ADCK2: variants seen among roughly 807,000 people sequenced by gnomAD.
The protein encoded by ADCK2 is uncharacterized aarF domain-containing protein kinase 2.
ADCK2 carries 37 observed loss-of-function variants against 52.3 expected under a neutral mutation model. That is an observed-to-expected ratio of 0.71 (90% CI 0.54 to 0.93). The LOEUF (loss-of-function observed/expected upper bound fraction) is 0.93. Among genes scored for constraint, ADCK2 ranks in the 40% least tolerant of loss-of-function variants. The probability of loss-of-function intolerance (pLI) is 0.00; values close to 1 mark genes in which losing one functional copy is unlikely to be tolerated. For synonymous variants in ADCK2, 321 were observed against 349.2 expected (o/e 0.92, Z 0.90); for missense variants, 695 against 798.7 (o/e 0.87, Z 1.56).
chr7:140,694,010 GTGTGT>G (rs1794752844), intron 7 of ADCK2, among the ~76,000 whole-genome samples: 1 of 152,178 alleles, frequency 6.6e-6, no homozygotes, highest in Non-Finnish European at 1.5e-5. Context: ...CGCCCGGCCT[GTGTGT>G]TGTCTCTTAA....
rs1396881180 is a variant in ADCK2 at position 140,695,007 on chromosome 7, G to C, written c.*204G>C. ...CCAATTAGGGAGTAAAAGGAGGGAAGGGGCCTATCCATTCCATTGTGGAAG... is the reference window on the plus strand; with the variant it reads ...CCAATTAGGGAGTAAAAGGAGGGAACGGGCCTATCCATTCCATTGTGGAAG... On this transcript the variant is annotated 3_prime_UTR_variant, in exon 8 of 8. Coordinates refer to ENST00000072869, the MANE Select transcript of ADCK2 (RefSeq NM_052853.4). The C allele has an allele frequency of 1.5e-6, 2 of 1,337,026 alleles. No individual in the cohort carries two copies. Among genetic ancestry groups the C allele is most frequent in the Non-Finnish European group, 1.9e-6 (2 of 1,046,632 alleles). 82.8% of individuals were successfully genotyped at this position (1,337,026 alleles called of 1,614,324 possible).
chr7:140,686,009 A>G (rs572647942), intron 4 of ADCK2, among the ~76,000 whole-genome samples: 1 of 152,296 alleles, frequency 6.6e-6, no homozygotes, highest in East Asian at 1.9e-4. Context: ...CCTCCACAGA[A>G]GGGCTCTGTG....
chr7:140,685,762 G>A (rs907101235), intron 4 of ADCK2, among the ~76,000 whole-genome samples: 7 of 152,132 alleles, frequency 4.6e-5, no homozygotes, highest in Admixed American at 6.5e-5. Context: ...CTGAGAGCCC[G>A]TCCACCAGCA....
At chr7:140,690,988 C>T (rs932321035) in intron 7 of ADCK2, among the ~76,000 whole-genome samples, 175 bp downstream of exon 7, 3 of 151,900 alleles carry the variant, frequency 2.0e-5, no homozygotes, top group Admixed American at 6.6e-5. Flanking sequence ...TGCAGTGGCG[C>T]GATCTCGGCT....
intron 4 of ADCK2, among the ~76,000 whole-genome samples, chr7:140,685,649 C>T (rs1480962627): frequency 6.6e-6 from 1 of 152,068 alleles, no homozygotes; most frequent in African/African-American, 2.4e-5. Context: ...CTAGGACAGT[C>T]CCTTCATGGT....
Position 140,673,638 on chromosome 7 carries a change from C to T in ADCK2, c.308C>T (p.Ala103Val), listed in dbSNP as rs201013665. The change falls in exon 1 of 8, where the codon GCC becomes GTC. Residue 103 changes from alanine (A) to valine (V), a missense_variant. Physicochemically the swap from Ala to Val is moderately conservative, Grantham distance 64. Coordinates refer to ENST00000072869, the MANE Select transcript of ADCK2 (RefSeq NM_052853.4). This position sits in a 1 kb window ranked among gnomAD's most constrained non-coding sequence, Gnocchi z 6.4. The part of the protein sequence containing the change: ...VFLHLRLWLR[A>V]GALLVKFFPL... Reference sequence around the variant, plus strand: ...CTGCATCTCCGCCTCTGGCTTCGCGCCGGCGCTCTGTTGGTGAAATTCTTC... The same window carrying T: ...CTGCATCTCCGCCTCTGGCTTCGCGTCGGCGCTCTGTTGGTGAAATTCTTC... 1.2e-6 allele frequency: 2 copies of T among 1,610,180 alleles called. No homozygotes were observed. Among genetic ancestry groups the T allele is most frequent in the South Asian group, 1.1e-5 (1 of 91,076 alleles).
chr7:140,675,643 C>T (rs2130779529), intron 2 of ADCK2, among the ~76,000 whole-genome samples: 1 of 152,364 alleles, frequency 6.6e-6, no homozygotes, highest in South Asian at 2.1e-4. Flanking sequence ...CTGTAACTGC[C>T]TGGGCCCAGT....
chr7:140,687,178 G>A lies in ADCK2; in HGVS notation c.1494G>A (p.Ala498=), dbSNP rs745640419. 18 of 1,598,950 alleles carry A rather than the reference G, an allele frequency of 1.1e-5. No individual in the cohort carries two copies. The highest frequency in any genetic ancestry group is 6.7e-5 in the South Asian group (6 of 89,494). Residue 498 remains alanine (A), a synonymous_variant, in exon 5 of 8, where the codon GCG becomes GCA. Transcript: ENST00000072869. The stretch of plus-strand genomic sequence containing the variant: ...TGCTGCTGGATGCTGGCATTGTGGC[G>A]GAGCTGCAGGCCCCTGACCTGAGGA... ...RLVLLDAGIV[A]ELQAPDLRNF...
intron 6 of ADCK2, among the ~76,000 whole-genome samples, chr7:140,690,460 C>T (rs112853731): frequency 0.012 from 1,784 of 152,094 alleles, 22 homozygotes; most frequent in Non-Finnish European, 0.02. Context: ...GCCTTGGCCT[C>T]CCAAAGTGCT....
intron 2 of ADCK2, among the ~76,000 whole-genome samples, chr7:140,676,032 T>C (rs1794407564): frequency 6.6e-6 from 1 of 152,268 alleles, no homozygotes; most frequent in Non-Finnish European, 1.5e-5. Context: ...TTCATTCCAA[T>C]GTTTAGAAAG....
At chr7:140,677,700 T>C (rs920842184) in intron 2 of ADCK2, among the ~76,000 whole-genome samples, 2 of 152,218 alleles carry the variant, frequency 1.3e-5, no homozygotes, top group African/African-American at 2.4e-5. Flanking sequence ...ATCTGGTATC[T>C]GAGGGAGGCC....
At chr7:140,685,257 T>C (rs1426857976) in intron 4 of ADCK2, among the ~76,000 whole-genome samples, 2 of 152,066 alleles carry the variant, frequency 1.3e-5, no homozygotes, top group Non-Finnish European at 2.9e-5. Flanking sequence ...GAGACTAGCC[T>C]GGCCAACGTG....
At position 140,674,719 on chromosome 7, in the gene ADCK2, G is replaced by T; in HGVS notation, c.1042G>T (p.Glu348Ter). The T allele has an allele frequency of 6.2e-7, 1 of 1,614,154 alleles. No homozygotes were observed. Among genetic ancestry groups the T allele is most frequent in the Non-Finnish European group, 8.5e-7 (1 of 1,180,028 alleles). ...AGGCATCAAGTGGCTTAGCTTGCCT[G>T]AGATTGTGGAGGAATTTGAGAAGCT... ...LPGIKWLSLPEIVEEFEKLMV... is the reference protein window; with the variant it reads ...LPGIKWLSLP Residue 348 changes from glutamate (E) to a stop codon, truncating the protein, a stop_gained, in exon 2 of 8, where the codon GAG becomes TAG. Transcript: ENST00000072869. LOFTEE classifies it high-confidence loss of function. The surrounding 1 kb of genome is among the most constrained non-coding windows in gnomAD (Gnocchi z 4.6).
Position 140,678,108 on chromosome 7 carries a change from C to A in ADCK2, c.1081-1047C>A, listed in dbSNP as rs1794451094. On this transcript the variant is annotated intron_variant, in intron 2 of 7. Coordinates refer to ENST00000072869, the MANE Select transcript of ADCK2 (RefSeq NM_052853.4). This position sits in a 1 kb window ranked among gnomAD's most constrained non-coding sequence, Gnocchi z 4.9. ...GATGGGTCAAGGAGCACACTCGAGG[C>A]ACCTCTGTTTGTGCTCAGGTGACTG... 6.6e-6 allele frequency among the ~76,000 whole-genome samples: 1 copy of A among 152,162 alleles called. No homozygotes were observed. The highest frequency in any genetic ancestry group is 1.5e-5 in the Non-Finnish European group (1 of 68,024).
chr7:140,674,086 G>A lies in ADCK2; in HGVS notation c.756G>A (p.Glu252=), dbSNP rs1244931374. The A allele has an allele frequency of 6.8e-6, 11 of 1,614,008 alleles. No individual in the cohort carries two copies. Among genetic ancestry groups the A allele is most frequent in the East Asian group, 2.2e-5 (1 of 44,888 alleles). ...SHTGAVGGLR[E]LFGYLGNGRK... ...CTGGGGCAGTCGGTGGGCTGAGAGA[G>A]CTCTTTGGATACCTTGGAAATGGCC... The change falls in exon 1 of 8, where the codon GAG becomes GAA. Residue 252 remains glutamate, a synonymous_variant. Transcript: ENST00000072869. The surrounding 1 kb of genome is among the most constrained non-coding windows in gnomAD (Gnocchi z 4.6).
In ADCK2 at chr7:140,673,510, G is replaced by A. The variant is rs924486702; in HGVS notation, c.180G>A (p.Gly60=). The change falls in exon 1 of 8, where the codon GGG becomes GGA. Residue 60 remains glycine (G), a synonymous_variant. Transcript: ENST00000072869. The surrounding 1 kb of genome is among the most constrained non-coding windows in gnomAD (Gnocchi z 6.4). ...VVSLCGDVGE[G]APDVLSRRRV... ...CCCTGTGCGGGGACGTGGGTGAGGG[G>A]GCCCCTGACGTTCTGAGTCGGCGAA... 1.2e-6 allele frequency: 2 copies of A among 1,601,210 alleles called. No homozygotes were observed. Among genetic ancestry groups the A allele is most frequent in the Admixed American group, 1.7e-5 (1 of 59,076 alleles).
At chr7:140,679,662 C>CTT (rs57302302) in intron 3 of ADCK2, among the ~76,000 whole-genome samples, 1,149 of 75,366 alleles carry the variant, frequency 0.015, 91 homozygotes, top group African/African-American at 0.032. Context: ...CCTTCTCTCT[C>CTT]TTTTTTTTTT....
intron 5 of ADCK2, 64 bp from the exon 6 acceptor site, chr7:140,689,533 T>C (rs1013822353): frequency 1.3e-6 from 2 of 1,514,328 alleles, no homozygotes; most frequent in South Asian, 1.3e-5. Flanking sequence ...AGAAAGACGC[T>C]TGGGCACCGC....
chr7:140,686,148 A>G (rs894430157), intron 4 of ADCK2, among the ~76,000 whole-genome samples: 1 of 152,228 alleles, frequency 6.6e-6, no homozygotes. Context: ...AAGAACATAG[A>G]GGTTTGGGGA....
Sources: gnomAD v4.1 joint callset for allele counts (sites outside exome capture counted in the v4.1 genomes callset) on GRCh38, gnomAD v4.1.1 for gene constraint, Gnocchi (gnomAD v3.1) non-coding constraint, MANE v1.5 for transcripts, NCBI Gene and HGNC (gene_info 2026-07-23, HGNC 2026-07-21) for gene names.